DYNC2H1: variants seen among roughly 807,000 people sequenced by gnomAD.
DYNC2H1 encodes dynein cytoplasmic 2 heavy chain 1, also known as cytoplasmic dynein 2 heavy chain 1.
In DYNC2H1, 410 loss-of-function variants were observed where a neutral mutation model predicts 570.0. The observed-to-expected ratio is 0.72, with a 90% confidence interval of 0.66 to 0.78. DYNC2H1 has a LOEUF of 0.78. Among genes scored for constraint, DYNC2H1 ranks in the 30% least tolerant of loss-of-function variants. DYNC2H1 has a pLI of 0.00. For synonymous variants in DYNC2H1, 1,688 were observed against 1,677.6 expected, an observed-to-expected ratio of 1.01 and a Z score of -0.15; for missense variants, 4,865 against 5,046.4, an observed-to-expected ratio of 0.96 and a Z score of 1.09.
chr11:103,148,797 G>A (rs144762388), intron 20 of DYNC2H1, among the ~76,000 whole-genome samples, 180 bp downstream of exon 20: 9 of 152,202 alleles, frequency 5.9e-5, no homozygotes, highest in South Asian at 2.1e-4. Context: ...GGTGGCTCAC[G>A]CCTGTAATCT....
rs774096717 is a variant in DYNC2H1, at chr11:103,165,927, C to T, written c.4641C>T (p.Phe1547=). 6 of 1,511,864 alleles carry T rather than the reference C, an allele frequency of 4.0e-6. No individual in the cohort carries two copies. The South Asian group carries it at 5.4e-5, about 14-fold the overall frequency. 93.7% of individuals were successfully genotyped at this position (1,511,864 alleles called of 1,614,324 possible). A position where few individuals can be genotyped will look rare whatever the true frequency, so the allele number is the denominator to read the frequency against. ...QILCLAEQIK[F]TEDVENAIKD... ...TATGCTTGGCGGAGCAGATTAAATT[C>T]ACTGAAGATGTAGAAAATGCTATTA... Residue 1547 remains phenylalanine, a synonymous_variant, in exon 31 of 89, where the codon TTC becomes TTT. Transcript: ENST00000375735.
chr11:103,267,578 T>G (rs534940247), intron 70 of DYNC2H1, among the ~76,000 whole-genome samples: 1 of 152,174 alleles, frequency 6.6e-6, no homozygotes, highest in South Asian at 2.1e-4. Context: ...ATATCCTGTT[T>G]TGTCTAATAT....
rs896154001 is a variant in DYNC2H1, at chr11:103,359,024, C to T, written c.12156+665C>T. Among the ~76,000 whole-genome samples the T allele has an allele frequency of 2.0e-5, 3 of 152,126 alleles. 1 individual carries two copies. The highest frequency in any genetic ancestry group is 1.3e-4 in the Admixed American group (2 of 15,274). On this transcript the variant is annotated intron_variant, in intron 83 of 88. Coordinates refer to ENST00000375735, the MANE Select transcript of DYNC2H1 (RefSeq NM_001377.3). ...ATCCAGGTATTTGTTGGAAAGTTTC[C>T]TTCTCTGTGAAATACAGGTTAACTT...
At position 103,245,237 on chromosome 11, in the gene DYNC2H1, T is replaced by C; in HGVS notation, c.9919-14T>C. ...AATTAAATAATTAATACGTATTCTT[T>C]TTTATTCAATTAGGATAGTAACTTT... is the stretch of plus-strand genomic sequence containing the variant. On this transcript the variant is annotated splice_polypyrimidine_tract_variant and intron_variant, in intron 64 of 88. Transcript: ENST00000375735. The surrounding 1 kb of genome is among the most constrained non-coding windows in gnomAD (Gnocchi z 4.5). The C allele has an allele frequency of 6.7e-7, 1 of 1,501,528 alleles. No homozygotes were observed. 93.0% of individuals were successfully genotyped at this position (1,501,528 alleles called of 1,614,324 possible).
chr11:103,178,480 T>G (rs1861716442), intron 38 of DYNC2H1, among the ~76,000 whole-genome samples: 1 of 152,098 alleles, frequency 6.6e-6, no homozygotes, highest in South Asian at 2.1e-4. Flanking sequence ...ATCAGTGAAA[T>G]TTTCCTCTTT....
intron 83 of DYNC2H1, among the ~76,000 whole-genome samples, chr11:103,396,879 A>T (rs1247135459): frequency 7.9e-5 from 12 of 152,230 alleles, no homozygotes; most frequent in African/African-American, 2.7e-4. Context: ...TCAGAAACAA[A>T]GTCAAATACC....
In DYNC2H1 at chr11:103,205,040, G is replaced by T; in HGVS notation, c.8454+76G>T. ...TTATTGATTTTCACAACTTCTCTTT[G>T]GTGTTGGTTATAACATCACCTTAAT... is the stretch of plus-strand genomic sequence containing the variant. On this transcript the variant is annotated intron_variant, in intron 52 of 88. Coordinates refer to ENST00000375735, the MANE Select transcript of DYNC2H1 (RefSeq NM_001377.3). This position sits in a 1 kb window ranked among gnomAD's most constrained non-coding sequence, Gnocchi z 4.5. 1.4e-6 allele frequency: 2 copies of T among 1,394,442 alleles called. No individual in the cohort carries two copies. Among genetic ancestry groups the T allele is most frequent in the Non-Finnish European group, 9.7e-7 (1 of 1,028,716 alleles). The allele number at this position is 1,394,442 out of a possible 1,614,324, so 86.4% of individuals were successfully genotyped here.
chr11:103,170,710 C>A lies in DYNC2H1; in HGVS notation c.5152-176C>A, dbSNP rs1861531961. ...TTTCACATGCATTATTTTGTTTATC[C>A]CTTGAAATCAACCTGGGTTTTGAAA... On this transcript the variant is annotated intron_variant, in intron 33 of 88. Transcript: ENST00000375735. The surrounding 1 kb of genome is among the most constrained non-coding windows in gnomAD (Gnocchi z 4.8). Among the ~76,000 whole-genome samples, 1 of 152,034 alleles carries A rather than the reference C, an allele frequency of 6.6e-6. No homozygotes were observed. The highest frequency in any genetic ancestry group is 1.5e-5 in the Non-Finnish European group (1 of 68,014).
At chr11:103,408,275 G>C (rs576927586) in intron 84 of DYNC2H1, 1 of 152,114 alleles carries the variant, frequency 6.6e-6, no homozygotes, top group African/African-American at 2.4e-5. Context: ...TAGATCCTTT[G>C]CGTAGTTGTA....
At chr11:103,259,847 G>A (rs1258599547) in intron 69 of DYNC2H1, 41 bp from the exon 70 acceptor site, 8 of 1,340,290 alleles carry the variant, frequency 6.0e-6, no homozygotes, top group Non-Finnish European at 7.1e-6. Flanking sequence ...CTTTTTAAAT[G>A]TTTATAAATT....
Position 103,128,030 on chromosome 11 carries a change from A to G in DYNC2H1, c.1858-880A>G, listed in dbSNP as rs113597768. 5.5e-3 allele frequency among the ~76,000 whole-genome samples: 835 copies of G among 152,360 alleles called. 4 individuals are homozygous for G. Among genetic ancestry groups the G allele is most frequent in the African/African-American group, 0.019 (795 of 41,578 alleles). On this transcript the variant is annotated intron_variant, in intron 12 of 88. Transcript: ENST00000375735. ...GACATGACATAAAGTAGGCAAAAGA[A>G]CCATGCAAATGTCTAGAGGAAGACT... is the stretch of plus-strand genomic sequence containing the variant.
At chr11:103,154,022 C>G (rs1033617462) in intron 22 of DYNC2H1, among the ~76,000 whole-genome samples, 9 of 151,790 alleles carry the variant, frequency 5.9e-5, no homozygotes, top group African/African-American at 2.2e-4. Context: ...TACTAAATGG[C>G]ATTATACTGA....
chr11:103,259,997 T>C lies in DYNC2H1; in HGVS notation c.10695+20T>C. On this transcript the variant is annotated intron_variant, in intron 70 of 88. Coordinates refer to ENST00000375735, the MANE Select transcript of DYNC2H1 (RefSeq NM_001377.3). ...TTTAAGGTAAGAAGCATCATATTTT[T>C]CAAATATAAAATACTACTTGTTCTG... 1 of 1,324,070 alleles carries C rather than the reference T, an allele frequency of 7.6e-7. No homozygotes were observed. The highest frequency in any genetic ancestry group is 1.0e-6 in the Non-Finnish European group (1 of 977,842). 82.0% of individuals were successfully genotyped at this position (1,324,070 alleles called of 1,614,324 possible). A position where few individuals can be genotyped will look rare whatever the true frequency, so the allele number is the denominator to read the frequency against.
chr11:103,136,472 G>A (rs368318489), intron 17 of DYNC2H1, among the ~76,000 whole-genome samples: 105 of 151,118 alleles, frequency 6.9e-4, no homozygotes, highest in Middle Eastern at 3.2e-3. Flanking sequence ...GAGAACATGC[G>A]GTGTTTGGTT....
chr11:103,136,185 G>T (rs1189537061), intron 17 of DYNC2H1, among the ~76,000 whole-genome samples: 1 of 148,196 alleles, frequency 6.7e-6, no homozygotes, highest in Non-Finnish European at 1.5e-5. Flanking sequence ...TGAGAAACTT[G>T]TTTTTTTTGG....
intron 85 of DYNC2H1, among the ~76,000 whole-genome samples, chr11:103,453,641 T>TACAC (rs1555138110): frequency 1.1e-5 from 1 of 93,192 alleles, no homozygotes; most frequent in Non-Finnish European, 2.3e-5. Context: ...TATATATATA[T>TACAC]ACACACATTC....
chr11:103,411,237 G>A (rs1172472361), intron 84 of DYNC2H1, among the ~76,000 whole-genome samples: 2 of 152,082 alleles, frequency 1.3e-5, no homozygotes, highest in Admixed American at 1.3e-4. Flanking sequence ...AGTTGGCAGA[G>A]GTTTAGTTGG....
chr11:103,360,146 G>A (rs1035418716), intron 83 of DYNC2H1, among the ~76,000 whole-genome samples: 1 of 152,096 alleles, frequency 6.6e-6, no homozygotes, highest in Non-Finnish European at 1.5e-5. Context: ...TATAGAATAT[G>A]TTGCTCAAAG....
At chr11:103,132,675 T>A (rs1273365745) in intron 13 of DYNC2H1, among the ~76,000 whole-genome samples, 1 of 145,546 alleles carries the variant, frequency 6.9e-6, no homozygotes, top group African/African-American at 2.5e-5. Flanking sequence ...TGTGTGTGTG[T>A]GATGAGTTTC....
Sources: gnomAD v4.1 joint callset for allele counts (sites outside exome capture counted in the v4.1 genomes callset) on GRCh38, gnomAD v4.1.1 for gene constraint, Gnocchi (gnomAD v3.1) non-coding constraint, MANE v1.5 for transcripts, NCBI Gene and HGNC (gene_info 2026-07-23, HGNC 2026-07-21) for gene names.